UBE2V2: variants seen among roughly 807,000 people sequenced by gnomAD.
UBE2V2 encodes the protein ubiquitin-conjugating enzyme E2 variant 2.
Under a neutral mutation model 17.2 loss-of-function variants are expected in UBE2V2, and 9 were observed. The ratio of observed to expected loss-of-function variants is 0.52; its 90% CI spans 0.32 to 0.91. The LOEUF (loss-of-function observed/expected upper bound fraction) is 0.91. Ranked by LOEUF, UBE2V2 falls within the 40% of genes least tolerant of loss-of-function variation. The pLI is 0.04. For missense variants in UBE2V2, 133 were observed against 182.6 expected (o/e 0.73, Z 1.56); for synonymous variants, 61 against 57.5 (o/e 1.06, Z -0.28).
chr8:48,035,629 T>TGTG (rs1554657532), intron 1 of UBE2V2, among the ~76,000 whole-genome samples: 13 of 133,338 alleles, frequency 9.7e-5, no homozygotes, highest in South Asian at 5.2e-4. Flanking sequence ...GTTTTTTTTT[T>TGTG]TTTGTGTGTG....
upstream of UBE2V2, among the ~76,000 whole-genome samples, chr8:48,004,756 C>T (rs927864162): frequency 6.6e-6 from 1 of 151,928 alleles, no homozygotes; most frequent in Non-Finnish European, 1.5e-5. Flanking sequence ...GTATTGAATT[C>T]CCGACCTTGT....
intron 1 of UBE2V2, among the ~76,000 whole-genome samples, chr8:48,031,694 C>G (rs1471650750): frequency 2.0e-5 from 3 of 152,104 alleles, no homozygotes; most frequent in African/African-American, 7.2e-5. Flanking sequence ...CTTGCTCTGT[C>G]ACCCAGGCTG....
At chr8:48,027,963 C>T (rs557044473) in intron 1 of UBE2V2, among the ~76,000 whole-genome samples, 1 of 152,022 alleles carries the variant, frequency 6.6e-6, no homozygotes, top group African/African-American at 2.4e-5. Context: ...AAGCGATTCT[C>T]CTGCCTCAAC....
chr8:48,038,810 A>G (rs1377627032), intron 1 of UBE2V2, among the ~76,000 whole-genome samples: 2 of 151,860 alleles, frequency 1.3e-5, no homozygotes, highest in African/African-American at 4.8e-5. Flanking sequence ...TTTTTAGTAG[A>G]GACAGGGTTT....
intron 1 of UBE2V2, among the ~76,000 whole-genome samples, chr8:48,010,978 A>G (rs929352151): frequency 5.0e-5 from 7 of 140,062 alleles, no homozygotes; most frequent in Admixed American, 4.4e-4. Flanking sequence ...CAATCCGCCC[A>G]CCTTGGCCTC....
At chr8:48,024,334 G>A (rs2091325144) in intron 1 of UBE2V2, among the ~76,000 whole-genome samples, 1 of 152,086 alleles carries the variant, frequency 6.6e-6, no homozygotes, top group African/African-American at 2.4e-5. Flanking sequence ...GGTAGCTCAT[G>A]CCTGTAATCC....
chr8:48,011,061 A>G (rs891219653), intron 1 of UBE2V2, among the ~76,000 whole-genome samples: 6 of 151,894 alleles, frequency 4.0e-5, no homozygotes, highest in African/African-American at 1.5e-4. Flanking sequence ...ACTATTAGCT[A>G]TACTTTTGTT....
intron 1 of UBE2V2, among the ~76,000 whole-genome samples, chr8:48,018,562 T>C (rs553181196): frequency 6.6e-6 from 1 of 152,352 alleles, no homozygotes; most frequent in African/African-American, 2.4e-5. Context: ...AGACTTATTT[T>C]GTGGCTTGAC....
At chr8:48,052,604 T>A (rs2091546051) in intron 3 of UBE2V2, among the ~76,000 whole-genome samples, 1 of 152,210 alleles carries the variant, frequency 6.6e-6, no homozygotes, top group African/African-American at 2.4e-5. Context: ...ATCATTTATT[T>A]CCTGGACTCT....
At chr8:48,012,258 A>G (rs897343299) in intron 1 of UBE2V2, among the ~76,000 whole-genome samples, 1 of 152,190 alleles carries the variant, frequency 6.6e-6, no homozygotes, top group African/African-American at 2.4e-5. Flanking sequence ...CTCACCAGCT[A>G]GGTTCTCCTT....
chr8:48,015,757 T>A (rs1188469161), intron 1 of UBE2V2, among the ~76,000 whole-genome samples: 1 of 152,188 alleles, frequency 6.6e-6, no homozygotes, highest in African/African-American at 2.4e-5. Flanking sequence ...TTTCTGTGCC[T>A]GTGTTATTTC....
chr8:48,013,569 A>G (rs565000987), intron 1 of UBE2V2, among the ~76,000 whole-genome samples: 3 of 152,242 alleles, frequency 2.0e-5, no homozygotes, highest in African/African-American at 7.2e-5. Flanking sequence ...TCGGCCTCCC[A>G]AAGTGCTGGG....
intron 3 of UBE2V2, among the ~76,000 whole-genome samples, chr8:48,056,055 G>A (rs2091569872): frequency 6.6e-6 from 1 of 152,136 alleles, no homozygotes; most frequent in South Asian, 2.1e-4. Flanking sequence ...ACGGTGCCCA[G>A]CCCACTTTCT....
chr8:48,058,887 T>TG, intron 3 of UBE2V2, among the ~76,000 whole-genome samples: 1 of 152,084 alleles, frequency 6.6e-6, no homozygotes, highest in Middle Eastern at 3.4e-3. Flanking sequence ...CTTGTGTTTC[T>TG]GGGATAGGTC....
At chr8:48,031,021 C>CT (rs1466957468) in intron 1 of UBE2V2, among the ~76,000 whole-genome samples, 3 of 152,070 alleles carry the variant, frequency 2.0e-5, no homozygotes, top group African/African-American at 4.8e-5. Context: ...GAGCGAGACT[C>CT]TGTCTCAAAA....
Position 48,022,876 on chromosome 8 carries a change from T to C in UBE2V2, c.16+14406T>C, listed in dbSNP as rs147582351. ...CTGGTCTTGAACTCTTGGGCTTAAGTGATCTGCCTGCCTCAGCCTCCCAAA... is the reference window on the plus strand; with the variant it reads ...CTGGTCTTGAACTCTTGGGCTTAAGCGATCTGCCTGCCTCAGCCTCCCAAA... On this transcript the variant is annotated intron_variant, in intron 1 of 3. Transcript: ENST00000523111. Among the ~76,000 whole-genome samples, 1,039 of 151,910 alleles carry C rather than the reference T, an allele frequency of 6.8e-3. 9 individuals carry two copies. Among genetic ancestry groups the C allele is most frequent in the South Asian group, 0.025 (118 of 4,798 alleles).
At chr8:48,028,590 G>A (rs558375846) in intron 1 of UBE2V2, among the ~76,000 whole-genome samples, 1 of 152,140 alleles carries the variant, frequency 6.6e-6, no homozygotes. Context: ...TGCCCACCTC[G>A]GCCTCCCAAA....
chr8:48,030,215 C>T (rs373039451), intron 1 of UBE2V2, among the ~76,000 whole-genome samples: 15 of 152,236 alleles, frequency 9.9e-5, no homozygotes, highest in Middle Eastern at 3.4e-3. Context: ...GTCTTCCCCA[C>T]GAGATAGTAA....
At chr8:48,025,449 T>G (rs1227120373) in intron 1 of UBE2V2, among the ~76,000 whole-genome samples, 1 of 151,182 alleles carries the variant, frequency 6.6e-6, no homozygotes, top group African/African-American at 2.4e-5. Flanking sequence ...ATTTTTTTTT[T>G]GTATTTTAGT....
Sources: gnomAD v4.1 joint callset for allele counts (sites outside exome capture counted in the v4.1 genomes callset) on GRCh38, gnomAD v4.1.1 for gene constraint, MANE v1.5 for transcripts, NCBI Gene and HGNC (gene_info 2026-07-23, HGNC 2026-07-21) for gene names.